CCDC178: variants seen among roughly 807,000 people sequenced by gnomAD.
CCDC178 encodes coiled-coil domain containing 178.
Under a neutral mutation model 117.4 loss-of-function variants are expected in CCDC178, and 126 were observed. That is an observed-to-expected ratio of 1.07 (90% CI 0.93 to 1.24). The LOEUF (loss-of-function observed/expected upper bound fraction) is 1.24, where lower values mean the gene tolerates loss of function less well. Among genes scored for constraint, CCDC178 ranks in the 50% most tolerant of loss-of-function variants. The pLI is 0.00. For synonymous variants in CCDC178, 283 were observed against 313.4 expected (o/e 0.90, Z 1.02); for missense variants, 1,030 against 986.9 (o/e 1.04, Z -0.59).
chr18:33,435,634 C>G (rs970353472), intron 2 of CCDC178, among the ~76,000 whole-genome samples: 1 of 135,890 alleles, frequency 7.4e-6, no homozygotes, highest in African/African-American at 2.6e-5. Context: ...TGATTAGAGG[C>G]AAAAAATGAT....
intron 11 of CCDC178, among the ~76,000 whole-genome samples, chr18:33,318,488 C>T (rs2062451928): frequency 6.6e-6 from 1 of 152,080 alleles, no homozygotes; most frequent in Admixed American, 6.5e-5. Flanking sequence ...AGAAAGTCTT[C>T]AGAAGGCTTG....
At chr18:33,010,473 A>G (rs1460070549) in intron 21 of CCDC178, among the ~76,000 whole-genome samples, 4 of 152,174 alleles carry the variant, frequency 2.6e-5, no homozygotes, top group African/African-American at 9.6e-5. Flanking sequence ...TGCACAAACA[A>G]CAATGTTTTC....
intron 5 of CCDC178, among the ~76,000 whole-genome samples, chr18:33,376,815 G>A (rs1436314239): frequency 6.6e-6 from 1 of 152,152 alleles, no homozygotes; most frequent in Non-Finnish European, 1.5e-5. Context: ...GTATTTCATG[G>A]TGTATATGCA....
At chr18:32,945,901 G>T (rs1598714572) in intron 22 of CCDC178, among the ~76,000 whole-genome samples, 3 of 151,958 alleles carry the variant, frequency 2.0e-5, no homozygotes, top group Admixed American at 2.0e-4. Context: ...ATTTTAAGTG[G>T]GCTTTAAGTG....
At chr18:33,063,708 G>A (rs898756589) in intron 21 of CCDC178, among the ~76,000 whole-genome samples, 1 of 152,112 alleles carries the variant, frequency 6.6e-6, no homozygotes, top group African/African-American at 2.4e-5. Flanking sequence ...TACCTGTCTA[G>A]GTAGTCATAT....
intron 12 of CCDC178, among the ~76,000 whole-genome samples, chr18:33,291,349 T>C (rs935194586): frequency 6.6e-6 from 1 of 152,142 alleles, no homozygotes; most frequent in Non-Finnish European, 1.5e-5. Context: ...GTATCCATGA[T>C]ATATAAATTC....
In CCDC178 at chr18:32,992,601, G is replaced by T. The variant is rs1279221088; in HGVS notation, c.2389-17920C>A. Among the ~76,000 whole-genome samples, 4 of 152,110 alleles carry T rather than the reference G, an allele frequency of 2.6e-5. 1 individual carries two copies. The East Asian group carries it at 7.7e-4, about 29-fold the overall frequency. On this transcript the variant is annotated intron_variant, in intron 21 of 22. Transcript: ENST00000383096. ...GAAATATTTACTATTGCACAGCATG[G>T]TGACCACAGTTAATGTGTTATATAT...
At chr18:33,035,067 T>C (rs1256814377) in intron 21 of CCDC178, among the ~76,000 whole-genome samples, 2 of 151,844 alleles carry the variant, frequency 1.3e-5, no homozygotes, top group Admixed American at 6.6e-5. Context: ...AGTGTATGAG[T>C]AGAAATGAAG....
intron 21 of CCDC178, among the ~76,000 whole-genome samples, chr18:33,079,751 G>A (rs1032125925): frequency 6.6e-6 from 1 of 152,148 alleles, no homozygotes; most frequent in Non-Finnish European, 1.5e-5. Flanking sequence ...CAGTCAGAAT[G>A]GCTATTATTA....
intron 7 of CCDC178, among the ~76,000 whole-genome samples, chr18:33,354,856 C>T (rs925044019): frequency 9.2e-5 from 14 of 152,254 alleles, no homozygotes; most frequent in African/African-American, 1.2e-4. Flanking sequence ...ATGATCCACC[C>T]GCCTTGGCCT....
At chr18:33,360,156 A>G (rs2063106093) in intron 6 of CCDC178, among the ~76,000 whole-genome samples, 1 of 151,240 alleles carries the variant, frequency 6.6e-6, no homozygotes, top group African/African-American at 2.4e-5. Context: ...GGCTATGGAA[A>G]ATAATTTGAT....
intron 21 of CCDC178, among the ~76,000 whole-genome samples, chr18:33,014,591 G>A (rs2055940167): frequency 1.3e-5 from 2 of 152,140 alleles, no homozygotes; most frequent in Admixed American, 6.5e-5. Flanking sequence ...ACCTGTATAA[G>A]CAGGAAGTAA....
chr18:32,970,103 T>G (rs976875533), intron 22 of CCDC178, among the ~76,000 whole-genome samples: 5 of 151,936 alleles, frequency 3.3e-5, no homozygotes, highest in African/African-American at 1.2e-4. Context: ...AAAATTGTGG[T>G]CAACTGAAAT....
rs188488478 is a variant in CCDC178 at position 33,428,448 on chromosome 18, C to T, written c.-23+11514G>A. Among the ~76,000 whole-genome samples the T allele has an allele frequency of 1.7e-3, 253 of 152,106 alleles. 1 individual carries two copies. The highest frequency in any genetic ancestry group is 5.3e-3 in the African/African-American group (220 of 41,512). On this transcript the variant is annotated intron_variant, in intron 2 of 22. Transcript: ENST00000383096. ...GTGCTATCGCTGGGCAGTGCAGAGT[C>T]GGATTTAGCCCAGGAGTGTGTCACC... is the stretch of plus-strand genomic sequence containing the variant.
intron 2 of CCDC178, among the ~76,000 whole-genome samples, chr18:33,435,918 A>G (rs1599319557): frequency 6.6e-6 from 1 of 152,116 alleles, no homozygotes; most frequent in East Asian, 1.9e-4. Flanking sequence ...AAACCAGGTG[A>G]GCAGAGGAGA....
intron 9 of CCDC178, among the ~76,000 whole-genome samples, chr18:33,344,495 A>G (rs907509267): frequency 3.9e-5 from 6 of 152,092 alleles, no homozygotes; most frequent in African/African-American, 1.2e-4. Flanking sequence ...CCATAGTTCA[A>G]AACGTATTTA....
chr18:33,383,548 C>T (rs2063461710), intron 5 of CCDC178, among the ~76,000 whole-genome samples: 1 of 152,058 alleles, frequency 6.6e-6, no homozygotes, highest in Non-Finnish European at 1.5e-5. Flanking sequence ...ATTCTGCATC[C>T]TCCACTGGTG....
At chr18:33,405,697 C>T (rs190053384) in intron 3 of CCDC178, among the ~76,000 whole-genome samples, 2 of 152,046 alleles carry the variant, frequency 1.3e-5, no homozygotes, top group African/African-American at 2.4e-5. Flanking sequence ...TCTGAATCCA[C>T]TAGAAAGTAG....
At chr18:33,173,911 T>G (rs1391914428) in intron 20 of CCDC178, among the ~76,000 whole-genome samples, 1 of 152,112 alleles carries the variant, frequency 6.6e-6, no homozygotes, top group Non-Finnish European at 1.5e-5. Flanking sequence ...CATGGCTAAG[T>G]AAGGAGATTT....
Sources: allele counts gnomAD v4.1 joint callset (sites outside exome capture counted in the v4.1 genomes callset), GRCh38; gene constraint gnomAD v4.1.1; transcripts MANE v1.5; gene names NCBI Gene and HGNC (gene_info 2026-07-23, HGNC 2026-07-21).